The following CC2D2B variants were observed in gnomAD, a reference collection of about 807,000 sequenced individuals.
The protein encoded by CC2D2B is coiled-coil and C2 domain containing 2B, also known as protein CC2D2B.
A neutral mutation model predicts 161.2 loss-of-function variants in CC2D2B; 128 were observed. The observed-to-expected ratio is 0.79, with a 90% CI of 0.69 to 0.92. The LOEUF is 0.92. Among genes scored for constraint, CC2D2B ranks in the 40% least tolerant of loss-of-function variants. CC2D2B has a pLI of 0.00. For synonymous variants in CC2D2B, 391 were observed against 449.8 expected, an observed-to-expected ratio of 0.87 and a Z score of 1.65; for missense variants, 1,173 against 1,375.1, an observed-to-expected ratio of 0.85 and a Z score of 2.32.
At chr10:95,999,827 T>G in intron 24 of CC2D2B, 1 of 461,388 alleles carries the variant, frequency 2.2e-6, no homozygotes, top group Non-Finnish European at 4.3e-6. Flanking sequence ...TCCTTCCCAT[T>G]GGGTCTCACA....
In CC2D2B at chr10:95,922,033, T is replaced by C. The variant is rs1229400730; in HGVS notation, c.54T>C (p.Asp18=). The C allele has an allele frequency of 1.3e-6, 2 of 1,543,750 alleles. No homozygotes were observed. Among genetic ancestry groups the C allele is most frequent in the Non-Finnish European group, 1.8e-6 (2 of 1,141,784 alleles). Residue 18 remains aspartate (D), a synonymous_variant, in exon 3 of 35, where the codon GAT becomes GAC. Transcript: ENST00000646931. ...TTTTGCAGATGTCAGAAGAGATGGATAATATTACAGCTGAAGAAATTATAG... is the reference window on the plus strand; with the variant it reads ...TTTTGCAGATGTCAGAAGAGATGGACAATATTACAGCTGAAGAAATTATAG... ...DIFKKMSEEM[D]NITAEEIIDK...
chr10:95,942,454 T>A (rs1020566102), intron 9 of CC2D2B, among the ~76,000 whole-genome samples: 2 of 152,172 alleles, frequency 1.3e-5, no homozygotes, highest in African/African-American at 4.8e-5. Context: ...TTCACTTATA[T>A]AATTTTCTGC....
chr10:95,940,377 T>C (rs908122934), intron 9 of CC2D2B, among the ~76,000 whole-genome samples: 2 of 152,176 alleles, frequency 1.3e-5, no homozygotes, highest in African/African-American at 4.8e-5. Flanking sequence ...TGCTTTTTGA[T>C]GGGATATTCT....
intron 24 of CC2D2B, among the ~76,000 whole-genome samples, chr10:95,996,533 AGG>A: frequency 6.6e-6 from 1 of 152,206 alleles, no homozygotes. Flanking sequence ...ACACCTTAGA[AGG>A]CCCTTTGTGC....
chr10:95,947,082 A>AAAATATATAT (rs1467752343), intron 9 of CC2D2B, among the ~76,000 whole-genome samples: 1 of 39,500 alleles, frequency 2.5e-5, no homozygotes, highest in Admixed American at 3.0e-4. Context: ...TGGACTCAAA[A>AAAATATATAT]ATATATATAT....
At chr10:96,020,126 C>CCTG in intron 32 of CC2D2B, 1 of 228,642 alleles carries the variant, frequency 4.4e-6, no homozygotes, top group Non-Finnish European at 8.5e-6. Context: ...AGTTCTAACT[C>CCTG]TGACCTAGCC....
chr10:95,915,504 A>G (rs1471188414), intron 2 of CC2D2B, among the ~76,000 whole-genome samples: 1 of 152,188 alleles, frequency 6.6e-6, no homozygotes, highest in African/African-American at 2.4e-5. Context: ...ACAGGCTTTC[A>G]GTTTTTCCCT....
Position 95,910,091 on chromosome 10 carries a change from GGCTGTAATGA to G in CC2D2B, c.-23-1204_-23-1195del, listed in dbSNP as rs758522975. Among the ~76,000 whole-genome samples the G allele has an allele frequency of 2.2e-3, 340 of 152,302 alleles. 1 individual carries two copies. Among genetic ancestry groups the G allele is most frequent in the Non-Finnish European group, 3.4e-3 (234 of 68,030 alleles). On this transcript the variant is annotated intron_variant, in intron 1 of 34. Transcript: ENST00000646931. ...GGATCACTTGAGCCCAGGAGTTCAA[GGCTGTAATGA>G]GCTGTCATCATGCCACTGCACTTCA...
At position 96,004,266 on chromosome 10, in the gene CC2D2B, C is replaced by T. The variant is rs1434816152; in HGVS notation, c.2946+18C>T. 6.6e-6 allele frequency: 8 copies of T among 1,211,354 alleles called. No individual in the cohort carries two copies. Among genetic ancestry groups the T allele is most frequent in the Non-Finnish European group, 7.0e-6 (6 of 857,732 alleles). The allele number at this position is 1,211,354 out of a possible 1,614,324, so 75.0% of individuals were successfully genotyped here. On this transcript the variant is annotated intron_variant, in intron 25 of 34. Transcript: ENST00000646931. The stretch of plus-strand genomic sequence containing the variant: ...AACATGAGGTAAAGTAGAATAATTA[C>T]AATAGCCAATGCTGAAATAATTCTA...
At chr10:95,928,785 T>A (rs917525125) in intron 6 of CC2D2B, among the ~76,000 whole-genome samples, 18 of 118,848 alleles carry the variant, frequency 1.5e-4, no homozygotes, top group Non-Finnish European at 2.4e-4. Flanking sequence ...TGTGCCACAT[T>A]TTTTTTATTC....
chr10:96,012,495 A>G, intron 27 of CC2D2B, 37 bp from the exon 28 acceptor site: 3 of 1,416,444 alleles, frequency 2.1e-6, no homozygotes, highest in Non-Finnish European at 3.0e-6. Context: ...TGAGAACAAT[A>G]CAGTACAATT....
intron 6 of CC2D2B, among the ~76,000 whole-genome samples, chr10:95,933,989 C>A (rs996655189): frequency 6.6e-6 from 1 of 152,220 alleles, no homozygotes; most frequent in African/African-American, 2.4e-5. Context: ...ACAGCCGCCC[C>A]TTCCCCAGGT....
chr10:96,013,863 T>C lies in CC2D2B; in HGVS notation c.3502T>C (p.Trp1168Arg). ...TPDENDGSDI[W>R]MTSEHCISLA... ...AGATGAAAATGATGGCTCTGATATA[T>C]GGATGACATCAGAGGTAATAAATTA... Residue 1168 changes from tryptophan to arginine, a missense_variant, in exon 29 of 35, where the codon TGG becomes CGG. Physicochemically the swap from Trp to Arg is moderately radical, Grantham distance 101. Transcript: ENST00000646931. The C allele has an allele frequency of 1.3e-6, 2 of 1,574,508 alleles. No homozygotes were observed. The highest frequency in any genetic ancestry group is 8.7e-7 in the Non-Finnish European group (1 of 1,151,018).
intron 2 of CC2D2B, among the ~76,000 whole-genome samples, chr10:95,915,786 A>T (rs1422998650): frequency 6.6e-6 from 1 of 152,002 alleles, no homozygotes; most frequent in African/African-American, 2.4e-5. Flanking sequence ...CTTTAATATG[A>T]TGTTGAATTC....
chr10:96,018,243 G>A (rs149817227), intron 30 of CC2D2B, among the ~76,000 whole-genome samples: 82 of 152,228 alleles, frequency 5.4e-4, no homozygotes, highest in African/African-American at 1.7e-3. Flanking sequence ...TCTTTGGTAG[G>A]ATAGGCTTAC....
intron 2 of CC2D2B, among the ~76,000 whole-genome samples, chr10:95,912,977 T>G (rs1330196404): frequency 6.6e-6 from 1 of 152,154 alleles, no homozygotes; most frequent in Non-Finnish European, 1.5e-5. Flanking sequence ...AACATTCCAA[T>G]TGTATTCTTT....
At chr10:95,984,014 C>T (rs2077625490) in intron 19 of CC2D2B, among the ~76,000 whole-genome samples, 1 of 152,010 alleles carries the variant, frequency 6.6e-6, no homozygotes, top group Non-Finnish European at 1.5e-5. Flanking sequence ...GTTGTCCAAA[C>T]AGTCTATTCA....
intron 6 of CC2D2B, among the ~76,000 whole-genome samples, chr10:95,927,708 T>TTC (rs2098541968): frequency 7.0e-6 from 1 of 142,244 alleles, no homozygotes; most frequent in South Asian, 2.1e-4. Flanking sequence ...CTTTCTTTCT[T>TTC]TTTTTTTTTT....
chr10:96,032,680 G>T lies in CC2D2B; in HGVS notation c.*672G>T, dbSNP rs190665243. 1.7e-5 allele frequency: 7 copies of T among 417,938 alleles called. No individual in the cohort carries two copies. Among genetic ancestry groups the T allele is most frequent in the Non-Finnish European group, 2.5e-5 (5 of 201,596 alleles). 25.9% of individuals were successfully genotyped at this position (417,938 alleles called of 1,614,324 possible). On this transcript the variant is annotated 3_prime_UTR_variant, in exon 35 of 35. Coordinates refer to ENST00000646931, the MANE Select transcript of CC2D2B (RefSeq NM_001349008.3). ...AATAAAATAAAATCTACCATGTTGG[G>T]CTGATGTTGGCTTCTGGAAGCTTCT...
Sources: allele counts gnomAD v4.1 joint callset (sites outside exome capture counted in the v4.1 genomes callset), GRCh38; gene constraint gnomAD v4.1.1; transcripts MANE v1.5; gene names NCBI Gene and HGNC (gene_info 2026-07-23, HGNC 2026-07-21).